Variants in C12orf43 observed in about 807,000 individuals in gnomAD.
C12orf43 encodes the protein protein CUSTOS.
Under a neutral mutation model 20.6 loss-of-function variants are expected in C12orf43, and 15 were observed. The observed-to-expected ratio is 0.73, with a 90% CI of 0.49 to 1.12. The LOEUF (loss-of-function observed/expected upper bound fraction) is 1.12, where lower values mean the gene tolerates loss of function less well. Among genes scored for constraint, C12orf43 ranks in the 50% most tolerant of loss-of-function variants. C12orf43 has a pLI of 0.00. For missense variants in C12orf43, 334 were observed against 344.4 expected, an observed-to-expected ratio of 0.97 and a Z score of 0.24; for synonymous variants, 144 against 130.8, an observed-to-expected ratio of 1.10 and a Z score of -0.69.
intron 3 of C12orf43, among the ~76,000 whole-genome samples, chr12:121,008,643 T>A (rs2257764): frequency 0.72 from 109,972 of 152,140 alleles, 40,483 homozygotes; most frequent in African/African-American, 0.86. Flanking sequence ...CCTCCTCTAC[T>A]TTCTCCAATT....
chr12:121,009,227 T>C (rs951303734), intron 3 of C12orf43, among the ~76,000 whole-genome samples: 7 of 152,144 alleles, frequency 4.6e-5, no homozygotes, highest in Non-Finnish European at 8.8e-5. Flanking sequence ...GGTGGATCAC[T>C]TGAAGTCAGG....
chr12:121,012,981 A>G (rs1868536395), intron 1 of C12orf43, among the ~76,000 whole-genome samples: 1 of 151,916 alleles, frequency 6.6e-6, no homozygotes, highest in Admixed American at 6.6e-5. Flanking sequence ...ACGTGCTTGT[A>G]TATTTAAGGG....
Position 121,001,796 on chromosome 12 carries a change from C to G in C12orf43, c.*2357G>C, listed in dbSNP as rs1565889508. ...TGTGCCAGAGCCTGGGGCTCTAACG[C>G]CTGAGCCCAGGGAGGCCGAAGCTAA... On this transcript the variant is annotated 3_prime_UTR_variant, in exon 6 of 6. Coordinates refer to ENST00000288757, the MANE Select transcript of C12orf43 (RefSeq NM_022895.3). 1 of 536,250 alleles carries G rather than the reference C, an allele frequency of 1.9e-6. No individual in the cohort carries two copies. The highest frequency in any genetic ancestry group is 3.6e-6 in the Non-Finnish European group (1 of 276,418). The allele number at this position is 536,250 out of a possible 1,614,324, so 33.2% of individuals were successfully genotyped here. A position where few individuals can be genotyped will look rare whatever the true frequency, so the allele number is the denominator to read the frequency against.
intron 3 of C12orf43, among the ~76,000 whole-genome samples, chr12:121,009,206 G>C (rs540402141): frequency 1.3e-5 from 2 of 152,292 alleles, no homozygotes; most frequent in South Asian, 4.1e-4. Flanking sequence ...AGCACTCTGG[G>C]AGGCCGAGCC....
At chr12:121,009,638 G>A (rs1878293670) in intron 3 of C12orf43, among the ~76,000 whole-genome samples, 1 of 152,192 alleles carries the variant, frequency 6.6e-6, no homozygotes, top group African/African-American at 2.4e-5. Flanking sequence ...CATCTGTACT[G>A]GGAAGAGGGC....
rs771756739 is a variant in C12orf43 at position 121,005,068 on chromosome 12, G to A, written c.387C>T (p.Val129=). ...ACTCTTCCTTCTCACGGCCTCCAGG[G>A]ACAGATGTGAAGAAAAGGCGGAAAC... ...DDGFRLFFTS[V]PGGREKEESP... The change falls in exon 5 of 6, where the codon GTC becomes GTT. Residue 129 remains valine, a synonymous_variant. Coordinates refer to ENST00000288757, the MANE Select transcript of C12orf43 (RefSeq NM_022895.3). The surrounding 1 kb of genome is among the most constrained non-coding windows in gnomAD (Gnocchi z 5.6). The A allele has an allele frequency of 5.4e-6, 8 of 1,469,460 alleles. No individual in the cohort carries two copies. The South Asian group carries it at 9.9e-5, about 18-fold the overall frequency. 91.0% of individuals were successfully genotyped at this position (1,469,460 alleles called of 1,614,324 possible).
intron 3 of C12orf43, among the ~76,000 whole-genome samples, chr12:121,007,841 C>T (rs913114651): frequency 4.6e-5 from 7 of 152,082 alleles, no homozygotes; most frequent in African/African-American, 1.7e-4. Flanking sequence ...AAAAGCAACC[C>T]GGGGAGAGGG....
In C12orf43 at chr12:121,001,018, G is replaced by A; in HGVS notation, c.*3135C>T. 1 of 1,609,662 alleles carries A rather than the reference G, an allele frequency of 6.2e-7. No homozygotes were observed. Among genetic ancestry groups the A allele is most frequent in the Non-Finnish European group, 8.5e-7 (1 of 1,179,532 alleles). On this transcript the variant is annotated 3_prime_UTR_variant, in exon 6 of 6. Coordinates refer to ENST00000288757, the MANE Select transcript of C12orf43 (RefSeq NM_022895.3). ...CCCCTAGGGACAGGCAGGTGGGGTG[G>A]GTGTGGGTGCCTGGTGGGTGGCTAG...
intron 1 of C12orf43, among the ~76,000 whole-genome samples, chr12:121,015,259 G>A (rs1020966407): frequency 2.0e-5 from 3 of 152,302 alleles, no homozygotes; most frequent in Admixed American, 1.3e-4. Flanking sequence ...ATGGTACTAG[G>A]GGGTGAGAGG....
At chr12:121,010,776 T>C (rs901209761) in intron 3 of C12orf43, 52 bp downstream of exon 3, 49 of 1,436,152 alleles carry the variant, frequency 3.4e-5, no homozygotes, top group Middle Eastern at 1.9e-4. Context: ...ATGTGAGCCA[T>C]TGCTGTTCAT....
rs1049903439 is a variant in C12orf43 at position 121,003,895 on chromosome 12, G to A, written c.*258C>T. 7.0e-6 allele frequency: 4 copies of A among 568,534 alleles called. No homozygotes were observed. Among genetic ancestry groups the A allele is most frequent in the African/African-American group, 3.8e-5 (2 of 53,294 alleles). 35.2% of individuals were successfully genotyped at this position (568,534 alleles called of 1,614,324 possible). On this transcript the variant is annotated 3_prime_UTR_variant, in exon 6 of 6. Coordinates refer to ENST00000288757, the MANE Select transcript of C12orf43 (RefSeq NM_022895.3). ...TTTTCCTGAGGTCATGAAATGTTCT[G>A]GAACCACAGCGCCCCCGCCAGCCCT...
At chr12:121,007,605 A>G (rs1878120943) in intron 3 of C12orf43, among the ~76,000 whole-genome samples, 1 of 152,250 alleles carries the variant, frequency 6.6e-6, no homozygotes, top group African/African-American at 2.4e-5. Flanking sequence ...TGTCATCAAG[A>G]AAAGCTTCAG....
intron 1 of C12orf43, chr12:121,012,307 G>A: frequency 2.9e-6 from 2 of 687,878 alleles, no homozygotes; most frequent in Admixed American, 4.1e-5. Context: ...TAAACCGGGA[G>A]CAGCAGAGAT....
chr12:121,012,039 A>G (rs1165671912), intron 1 of C12orf43, among the ~76,000 whole-genome samples: 3 of 152,200 alleles, frequency 2.0e-5, no homozygotes, highest in Non-Finnish European at 4.4e-5. Flanking sequence ...AGTGTATGGA[A>G]AAAAACGGAA....
chr12:121,008,724 C>T (rs78023503), intron 3 of C12orf43, among the ~76,000 whole-genome samples: 6 of 152,324 alleles, frequency 3.9e-5, no homozygotes, highest in Non-Finnish European at 7.3e-5. Flanking sequence ...ATAGCTGGTT[C>T]ACACTTTGGG....
At chr12:121,012,309 A>C in intron 1 of C12orf43, 1 of 689,740 alleles carries the variant, frequency 1.4e-6, no homozygotes, top group South Asian at 1.5e-5. Context: ...AACCGGGAGC[A>C]GCAGAGATGG....
At position 121,004,117 on chromosome 12, in the gene C12orf43, C is replaced by G. The variant is rs1174139251; in HGVS notation, c.*36G>C. The G allele has an allele frequency of 4.4e-6, 7 of 1,607,124 alleles. No individual in the cohort carries two copies. The highest frequency in any genetic ancestry group is 6.0e-6 in the Non-Finnish European group (7 of 1,173,724). On this transcript the variant is annotated 3_prime_UTR_variant, in exon 6 of 6. Coordinates refer to ENST00000288757, the MANE Select transcript of C12orf43 (RefSeq NM_022895.3). The surrounding 1 kb of genome is among the most constrained non-coding windows in gnomAD (Gnocchi z 5.6). ...CCCAGGGTGGGGGGGACACCTTGTC[C>G]TTGGAGCTGGCTGAGCCCTGTGCCC... is the stretch of plus-strand genomic sequence containing the variant.
chr12:121,002,123 G>A lies in C12orf43; in HGVS notation c.*2030C>T, dbSNP rs547128590. 1.4e-4 allele frequency: 74 copies of A among 528,088 alleles called. No individual in the cohort carries two copies. The highest frequency in any genetic ancestry group is 1.2e-3 in the Admixed American group (53 of 43,550). 32.7% of individuals were successfully genotyped at this position (528,088 alleles called of 1,614,324 possible). On this transcript the variant is annotated 3_prime_UTR_variant, in exon 6 of 6. Transcript: ENST00000288757. ...CTGAGCTCACAAGGCAGCAAGGCCC[G>A]AGCAGCTGAGCAGGGCCGGGGAACT... is the stretch of plus-strand genomic sequence containing the variant.
In C12orf43 at chr12:121,002,861, C is replaced by T. The variant is rs149112015; in HGVS notation, c.*1292G>A. ...CACAGGCGCTCACTACCATGCCCAA[C>T]TAATTTTTGTATTCTTTTTTTTATA... On this transcript the variant is annotated 3_prime_UTR_variant, in exon 6 of 6. Coordinates refer to ENST00000288757, the MANE Select transcript of C12orf43 (RefSeq NM_022895.3). The T allele has an allele frequency of 2.1e-4, 34 of 158,510 alleles. No individual in the cohort carries two copies. Among genetic ancestry groups the T allele is most frequent in the Admixed American group, 5.2e-4 (8 of 15,504 alleles). 9.8% of individuals were successfully genotyped at this position (158,510 alleles called of 1,614,324 possible). A position where few individuals can be genotyped will look rare whatever the true frequency, so the allele number is the denominator to read the frequency against.
Sources: allele counts gnomAD v4.1 joint callset (sites outside exome capture counted in the v4.1 genomes callset), GRCh38; gene constraint gnomAD v4.1.1; non-coding constraint Gnocchi (gnomAD v3.1); transcripts MANE v1.5; gene names NCBI Gene and HGNC (gene_info 2026-07-23, HGNC 2026-07-21).